Variants in GRIK5 observed in about 807,000 individuals in gnomAD.
GRIK5 encodes glutamate ionotropic receptor kainate type subunit 5, also known as glutamate receptor ionotropic, kainate 5.
GRIK5 carries 43 observed loss-of-function variants against 97.4 expected under a neutral mutation model. The ratio of observed to expected loss-of-function variants is 0.44; its 90% CI spans 0.35 to 0.57. GRIK5 has a LOEUF of 0.57. Ranked by LOEUF, GRIK5 falls within the 20% of genes least tolerant of loss-of-function variation. The pLI is 0.01. For synonymous variants in GRIK5, 580 were observed against 583.5 expected (o/e 0.99, Z 0.09); for missense variants, 1,015 against 1,382.0 (o/e 0.73, Z 4.21).
rs531279928 is a variant in GRIK5 at position 42,046,470 on chromosome 19, G to A, written c.1270-3715C>T. ...AGACAATGAGATACTGCTAAGTCCA[G>A]TTCTAAGAATTTACCCTACAAATGG... On this transcript the variant is annotated intron_variant, in intron 11 of 19. Transcript: ENST00000593562. Among the ~76,000 whole-genome samples the A allele has an allele frequency of 1.7e-4, 26 of 152,328 alleles. No homozygotes were observed. In the South Asian group the frequency reaches 2.9e-3, roughly 17 times the overall value.
rs1422695733 is a variant in GRIK5 at position 42,069,651 on chromosome 19, C to T, written c.-461G>A. Among the ~76,000 whole-genome samples the T allele has an allele frequency of 1.5e-5, 2 of 129,500 alleles. No individual in the cohort carries two copies. Among genetic ancestry groups the T allele is most frequent in the Admixed American group, 1.7e-4 (2 of 11,546 alleles). 85.0% of individuals were successfully genotyped at this position (129,500 alleles called of 152,430 possible). A position where few individuals can be genotyped will look rare whatever the true frequency, so the allele number is the denominator to read the frequency against. On this transcript the variant is annotated 5_prime_UTR_variant, in exon 1 of 20. Transcript: ENST00000593562. ...CGCCCCCTCCCCTAGCCGGGCCGGC[C>T]TGGGGGGGCCACAGGGGGCGAGGAC...
At chr19:42,010,674 G>A (rs1327758692) in intron 15 of GRIK5, among the ~76,000 whole-genome samples, 3 of 152,196 alleles carry the variant, frequency 2.0e-5, no homozygotes, top group African/African-American at 7.2e-5. Context: ...ATTAAAGGAA[G>A]TTCTGCAGGT....
intron 12 of GRIK5, among the ~76,000 whole-genome samples, chr19:42,025,921 G>A (rs934622666): frequency 1.3e-5 from 2 of 152,194 alleles, no homozygotes; most frequent in African/African-American, 4.8e-5. Context: ...ATCAGCCAGG[G>A]TAATGTAGCA....
intron 9 of GRIK5, 85 bp downstream of exon 9, chr19:42,054,235 A>G (rs377760598): frequency 3.5e-6 from 5 of 1,421,066 alleles, no homozygotes; most frequent in Admixed American, 1.8e-5. Context: ...CAGGGAGGGC[A>G]GAGGGCCACA....
At chr19:42,061,884 C>T (rs1028915487) in intron 5 of GRIK5, among the ~76,000 whole-genome samples, 2 of 152,234 alleles carry the variant, frequency 1.3e-5, no homozygotes, top group African/African-American at 2.4e-5. Context: ...CCCTGCCCGG[C>T]GTGGGGACTT....
chr19:42,001,137 C>G (rs1386325375), intron 19 of GRIK5, among the ~76,000 whole-genome samples: 24 of 152,154 alleles, frequency 1.6e-4, no homozygotes, highest in African/African-American at 5.6e-4. Context: ...TAGGGACAGC[C>G]CCTATAGCCC....
chr19:41,999,250 C>A lies in GRIK5; in HGVS notation c.2564G>T (p.Cys855Phe). The A allele has an allele frequency of 1.3e-6, 2 of 1,524,834 alleles. No homozygotes were observed. The highest frequency in any genetic ancestry group is 5.1e-5 in the East Asian group (2 of 39,076). The allele number at this position is 1,524,834 out of a possible 1,614,324, so 94.5% of individuals were successfully genotyped here. Residue 855 changes from cysteine (C) to phenylalanine (F), a missense_variant, in exon 20 of 20, where the codon TGC becomes TTC. Around this residue, in one of 5 missense-constraint regions of GRIK5, gnomAD observed 229 missense variants for 341.0 expected, o/e 0.67. Coordinates refer to ENST00000593562, the MANE Select transcript of GRIK5 (RefSeq NM_002088.5). This position sits in a 1 kb window ranked among gnomAD's most constrained non-coding sequence, Gnocchi z 5.0. ...MLQELRHAVS[C>F]RKTSRSRRRR... is the part of the protein sequence containing the mutation. Reference sequence around the variant, plus strand: ...CCGGCGGGAACGCGACGTCTTGCGGCAAGAAACGGCGTGGCGCAGCTCCTG... The same window carrying A: ...CCGGCGGGAACGCGACGTCTTGCGGAAAGAAACGGCGTGGCGCAGCTCCTG...
chr19:42,017,637 G>A (rs983744216), intron 15 of GRIK5, among the ~76,000 whole-genome samples: 3 of 152,204 alleles, frequency 2.0e-5, no homozygotes, highest in African/African-American at 7.2e-5. Context: ...AGGACACAGA[G>A]CCTAGAAGCA....
chr19:42,041,927 G>C (rs772344076), intron 12 of GRIK5, among the ~76,000 whole-genome samples: 22 of 152,142 alleles, frequency 1.4e-4, no homozygotes, highest in Non-Finnish European at 2.2e-4. Context: ...AGCCCAGACA[G>C]CTCTGTGCTG....
chr19:42,049,132 C>A (rs927842007), intron 11 of GRIK5, among the ~76,000 whole-genome samples: 3 of 152,164 alleles, frequency 2.0e-5, no homozygotes, highest in African/African-American at 7.2e-5. Flanking sequence ...ATGAAAACCA[C>A]CATATATGGT....
chr19:42,021,293 C>G lies in GRIK5; in HGVS notation c.1871+8G>C, dbSNP rs775788571. 5.0e-6 allele frequency: 8 copies of G among 1,609,996 alleles called. No individual in the cohort carries two copies. The highest frequency in any genetic ancestry group is 6.8e-6 in the Non-Finnish European group (8 of 1,178,844). The stretch of plus-strand genomic sequence containing the variant: ...GCCCCGGGCAGAGGCAGATAGAAAG[C>G]TTCTCACCAGACTCCGCTGACACAG... On this transcript the variant is annotated splice_region_variant and intron_variant, in intron 15 of 19. Transcript: ENST00000593562. The surrounding 1 kb of genome is among the most constrained non-coding windows in gnomAD (Gnocchi z 4.2).
Position 42,005,718 on chromosome 19 carries a change from C to T in GRIK5, c.2263+5G>A. On this transcript the variant is annotated splice_donor_5th_base_variant and intron_variant, in intron 17 of 19. Transcript: ENST00000593562. ...TGCTGTGTTCCACACCGTGCTGTGC[C>T]GTACCCAGCGGCATGCCAATGCCGT... 1 of 1,600,552 alleles carries T rather than the reference C, an allele frequency of 6.2e-7. No homozygotes were observed. Among genetic ancestry groups the T allele is most frequent in the Non-Finnish European group, 8.6e-7 (1 of 1,168,156 alleles).
chr19:42,020,356 C>T (rs960999306), intron 15 of GRIK5, among the ~76,000 whole-genome samples: 2 of 152,200 alleles, frequency 1.3e-5, no homozygotes, highest in African/African-American at 4.8e-5. Flanking sequence ...TATCTGTTTA[C>T]TTGTTTATTC....
chr19:42,017,610 G>C (rs2075640098), intron 15 of GRIK5, among the ~76,000 whole-genome samples: 1 of 152,224 alleles, frequency 6.6e-6, no homozygotes, highest in Non-Finnish European at 1.5e-5. Context: ...GGACCAGAGA[G>C]GTTGGAGGAA....
At chr19:42,050,127 G>C (rs1244216637) in intron 11 of GRIK5, among the ~76,000 whole-genome samples, 1 of 151,812 alleles carries the variant, frequency 6.6e-6, no homozygotes, top group African/African-American at 2.4e-5. Context: ...ATGGGGTTTT[G>C]CCATGTTGCT....
chr19:42,026,557 T>TTTATTA (rs1156412271), intron 12 of GRIK5, among the ~76,000 whole-genome samples: 1 of 149,674 alleles, frequency 6.7e-6, no homozygotes, highest in African/African-American at 2.5e-5. Flanking sequence ...CCCGGCCCTA[T>TTTATTA]TTATTATTAT....
intron 19 of GRIK5, among the ~76,000 whole-genome samples, chr19:42,000,068 G>C (rs1441389104): frequency 1.3e-5 from 2 of 152,242 alleles, no homozygotes; most frequent in Non-Finnish European, 2.9e-5. Context: ...ATGGCTGGAG[G>C]GGGGCGTGCA....
intron 11 of GRIK5, among the ~76,000 whole-genome samples, chr19:42,053,007 C>A (rs1481852992): frequency 6.6e-6 from 1 of 152,172 alleles, no homozygotes; most frequent in African/African-American, 2.4e-5. Context: ...GCAGAACAGG[C>A]AATCAATAAA....
chr19:42,053,684 G>A lies in GRIK5; in HGVS notation c.1187C>T (p.Thr396Ile). The A allele has an allele frequency of 6.2e-7, 1 of 1,612,772 alleles. No homozygotes were observed. Among genetic ancestry groups the A allele is most frequent in the Non-Finnish European group, 8.5e-7 (1 of 1,178,742 alleles). ...REIGVWYSNR[T>I]LAMNATTLDI... ...CAGGGTGGTGGCATTCATGGCCAGG[G>A]TGCGGTTAGAGTACCACACCCCAAT... The change falls in exon 11 of 20, where the codon ACC becomes ATC. Residue 396 changes from threonine to isoleucine, a missense_variant. Physicochemically the swap from Thr to Ile is moderately conservative, Grantham distance 89. This residue lies in a region of GRIK5 where 477 missense variants were observed against 701.1 expected (regional missense o/e 0.68). Transcript: ENST00000593562.
Sources: gnomAD v4.1 joint callset for allele counts (sites outside exome capture counted in the v4.1 genomes callset) on GRCh38, gnomAD v4.1.1 for gene constraint, gnomAD v4.1.1 regional missense constraint, Gnocchi (gnomAD v3.1) non-coding constraint, MANE v1.5 for transcripts, NCBI Gene and HGNC (gene_info 2026-07-23, HGNC 2026-07-21) for gene names.